The following ST6GALNAC5 variants were observed in gnomAD, a reference collection of about 807,000 sequenced individuals.
ST6GALNAC5 encodes alpha-N-acetylgalactosaminide alpha-2,6-sialyltransferase 5.
ST6GALNAC5 carries 27 observed loss-of-function variants against 33.6 expected under a neutral mutation model. That is an observed-to-expected ratio of 0.80 (90% CI 0.59 to 1.11). ST6GALNAC5 has a LOEUF of 1.11. Among genes scored for constraint, ST6GALNAC5 ranks in the 50% least tolerant of loss-of-function variants. ST6GALNAC5 has a pLI of 0.00. For missense variants in ST6GALNAC5, 428 were observed against 454.0 expected (o/e 0.94, Z 0.52); for synonymous variants, 194 against 171.2 (o/e 1.13, Z -1.04).
chr1:76,912,297 T>C (rs1218156566), intron 2 of ST6GALNAC5, among the ~76,000 whole-genome samples: 1 of 152,204 alleles, frequency 6.6e-6, no homozygotes, highest in Non-Finnish European at 1.5e-5. Flanking sequence ...AGACAGTTTG[T>C]TATAATTTCT....
intron 2 of ST6GALNAC5, among the ~76,000 whole-genome samples, chr1:77,021,865 T>G (rs998565105): frequency 4.3e-4 from 66 of 152,162 alleles, no homozygotes; most frequent in African/African-American, 1.4e-3. Context: ...TGCTGACAAT[T>G]TACAAGGTTG....
At chr1:76,970,324 T>A (rs1475681799) in intron 2 of ST6GALNAC5, among the ~76,000 whole-genome samples, 1 of 151,826 alleles carries the variant, frequency 6.6e-6, no homozygotes, top group African/African-American at 2.4e-5. Flanking sequence ...ATTAGATGAA[T>A]GGCTAACTCG....
At chr1:76,964,996 C>G (rs542724848) in intron 2 of ST6GALNAC5, among the ~76,000 whole-genome samples, 116 of 152,230 alleles carry the variant, frequency 7.6e-4, no homozygotes, top group Non-Finnish European at 1.3e-3. Context: ...TTTTCTTAAT[C>G]CAGTCTATCA....
At position 76,936,953 on chromosome 1, in the gene ST6GALNAC5, GGTGTGTGT is replaced by G. The variant is rs34309736; in HGVS notation, c.261+68240_261+68247del. On this transcript the variant is annotated intron_variant, in intron 2 of 4. Coordinates refer to ENST00000477717, the MANE Select transcript of ST6GALNAC5 (RefSeq NM_030965.3). ...AGTCAGGAGACTGGAAGAGAAGCAGGGTGTGTGTGTGTGTGTGTGTGTGTGTGTGTGTG... is the reference window on the plus strand; with the variant it reads ...AGTCAGGAGACTGGAAGAGAAGCAGGGTGTGTGTGTGTGTGTGTGTGTGTG... Among the ~76,000 whole-genome samples, 278 of 140,044 alleles carry G rather than the reference GGTGTGTGT, an allele frequency of 2.0e-3. 1 individual carries two copies. The highest frequency in any genetic ancestry group is 6.7e-3 in the African/African-American group (255 of 37,788). The allele number at this position is 140,044 out of a possible 152,430, so 91.9% of individuals were successfully genotyped here.
intron 2 of ST6GALNAC5, among the ~76,000 whole-genome samples, chr1:76,929,710 A>G (rs1647120305): frequency 6.6e-6 from 1 of 152,156 alleles, no homozygotes; most frequent in South Asian, 2.1e-4. Context: ...TAAAATACAT[A>G]ACAGGTCTTG....
chr1:77,028,535 G>C (rs1651334457), intron 2 of ST6GALNAC5, among the ~76,000 whole-genome samples: 1 of 152,204 alleles, frequency 6.6e-6, no homozygotes, highest in Non-Finnish European at 1.5e-5. Flanking sequence ...AACATTTATT[G>C]AGTGTCTTTT....
intron 2 of ST6GALNAC5, among the ~76,000 whole-genome samples, chr1:76,910,292 C>A (rs978869515): frequency 2.0e-5 from 3 of 151,284 alleles, no homozygotes; most frequent in Middle Eastern, 3.2e-3. Context: ...ATATAATTTG[C>A]GTAAATATAT....
At chr1:76,959,782 C>T (rs1012705230) in intron 2 of ST6GALNAC5, among the ~76,000 whole-genome samples, 17 of 152,212 alleles carry the variant, frequency 1.1e-4, no homozygotes, top group South Asian at 2.1e-4. Context: ...TCTCCACTAA[C>T]GTTTCAGCTT....
At chr1:76,875,959 G>A (rs1653629369) in intron 2 of ST6GALNAC5, among the ~76,000 whole-genome samples, 1 of 152,164 alleles carries the variant, frequency 6.6e-6, no homozygotes, top group Admixed American at 6.5e-5. Flanking sequence ...ATGAGCATGA[G>A]CCCACTGCCA....
chr1:77,006,286 C>T (rs1452822393), intron 2 of ST6GALNAC5, among the ~76,000 whole-genome samples: 1 of 150,600 alleles, frequency 6.6e-6, no homozygotes, highest in Non-Finnish European at 1.5e-5. Flanking sequence ...TCCCAAGTAG[C>T]TGGGACTACA....
chr1:76,965,392 G>A (rs1196309173), intron 2 of ST6GALNAC5, among the ~76,000 whole-genome samples: 2 of 152,026 alleles, frequency 1.3e-5, no homozygotes, highest in East Asian at 3.9e-4. Flanking sequence ...ATGTGTCTGC[G>A]GGTGCATAAA....
At chr1:76,889,495 A>T (rs1296028635) in intron 2 of ST6GALNAC5, among the ~76,000 whole-genome samples, 4 of 151,996 alleles carry the variant, frequency 2.6e-5, no homozygotes, top group Admixed American at 6.6e-5. Flanking sequence ...AAATATCTTT[A>T]TTTTGCCCAC....
intron 2 of ST6GALNAC5, among the ~76,000 whole-genome samples, chr1:76,966,542 A>C (rs1164527691): frequency 6.6e-6 from 1 of 152,168 alleles, no homozygotes; most frequent in Non-Finnish European, 1.5e-5. Context: ...TGTCATCTGC[A>C]AAAAGGGACA....
intron 2 of ST6GALNAC5, among the ~76,000 whole-genome samples, chr1:76,960,268 G>T (rs1366510362): frequency 6.6e-6 from 1 of 152,038 alleles, no homozygotes; most frequent in African/African-American, 2.4e-5. Context: ...CATGTCAGCA[G>T]GTTCCGTGAT....
intron 2 of ST6GALNAC5, among the ~76,000 whole-genome samples, chr1:76,895,984 G>A (rs1037073982): frequency 1.3e-5 from 2 of 152,172 alleles, no homozygotes; most frequent in African/African-American, 4.8e-5. Flanking sequence ...GCTTGGTGTG[G>A]TGTGTTTTTA....
At chr1:76,897,531 T>C (rs905172081) in intron 2 of ST6GALNAC5, among the ~76,000 whole-genome samples, 1 of 151,786 alleles carries the variant, frequency 6.6e-6, no homozygotes, top group African/African-American at 2.4e-5. Flanking sequence ...TTAATCGGGG[T>C]AAAGGTGGTT....
At chr1:76,977,242 G>A (rs1227936173) in intron 2 of ST6GALNAC5, among the ~76,000 whole-genome samples, 1 of 151,884 alleles carries the variant, frequency 6.6e-6, no homozygotes, top group Non-Finnish European at 1.5e-5. Flanking sequence ...TTTAATGATT[G>A]TATACCTTGT....
At chr1:76,960,446 T>G (rs150661241) in intron 2 of ST6GALNAC5, among the ~76,000 whole-genome samples, 2,389 of 152,112 alleles carry the variant, frequency 0.016, 58 homozygotes, top group African/African-American at 0.055. Flanking sequence ...CGGGGCGAAA[T>G]TAAAATTGCT....
Position 77,000,117 on chromosome 1 carries a change from A to C in ST6GALNAC5, c.262-44087A>C, listed in dbSNP as rs1489823611. On this transcript the variant is annotated intron_variant, in intron 2 of 4. Coordinates refer to ENST00000477717, the MANE Select transcript of ST6GALNAC5 (RefSeq NM_030965.3). ...TTTACAGTCCCACCAACAGTGTAAA[A>C]GTGTTCCTATTTCTCCACATCCTCT... is the stretch of plus-strand genomic sequence containing the variant. Among the ~76,000 whole-genome samples the C allele has an allele frequency of 6.2e-4, 54 of 87,134 alleles. 4 individuals carry two copies. Among genetic ancestry groups the C allele is most frequent in the South Asian group, 2.8e-3 (6 of 2,126 alleles). 57.2% of individuals were successfully genotyped at this position (87,134 alleles called of 152,430 possible).
Sources: allele counts gnomAD v4.1 joint callset (sites outside exome capture counted in the v4.1 genomes callset), GRCh38; gene constraint gnomAD v4.1.1; transcripts MANE v1.5; gene names NCBI Gene and HGNC (gene_info 2026-07-23, HGNC 2026-07-21).